RBMXL1: variants seen among roughly 807,000 people sequenced by gnomAD.
RBMXL1 encodes the protein RBMX like 1, also known as RNA binding motif protein, X-linked-like-1.
A neutral mutation model predicts 29.0 loss-of-function variants in RBMXL1; 18 were observed. That is an observed-to-expected ratio of 0.62 (90% CI 0.43 to 0.92). The LOEUF (loss-of-function observed/expected upper bound fraction) is 0.92. Among genes scored for constraint, RBMXL1 ranks in the 40% least tolerant of loss-of-function variants. The pLI is 0.00. For missense variants in RBMXL1, 403 were observed against 495.8 expected (o/e 0.81, Z 1.78); for synonymous variants, 141 against 170.4 (o/e 0.83, Z 1.34).
In RBMXL1 at chr1:88,983,945, C is replaced by T. The variant is rs373735460; in HGVS notation, c.-119G>A. 3 of 946,110 alleles carry T rather than the reference C, an allele frequency of 3.2e-6. No individual in the cohort carries two copies. The highest frequency in any genetic ancestry group is 1.9e-5 in the African/African-American group (1 of 52,104). 58.6% of individuals were successfully genotyped at this position (946,110 alleles called of 1,614,324 possible). A position where few individuals can be genotyped will look rare whatever the true frequency, so the allele number is the denominator to read the frequency against. ...CGGCTGTCAGTTAGGAGGACTGAAC[C>T]GCGAAGCCGCTAGCACTACTGCGCA... On this transcript the variant is annotated 5_prime_UTR_variant, in exon 3 of 3. Coordinates refer to ENST00000652648, the MANE Select transcript of RBMXL1 (RefSeq NM_001162536.3).
chr1:88,989,731 C>A (rs1300228664), intron 1 of RBMXL1, among the ~76,000 whole-genome samples: 2 of 152,142 alleles, frequency 1.3e-5, no homozygotes, highest in African/African-American at 4.8e-5. Flanking sequence ...GGCCTCAATG[C>A]CCACCTTCCT....
In RBMXL1 at chr1:88,982,532, G is replaced by A. The variant is rs1396077298; in HGVS notation, c.*122C>T. 4 of 1,371,778 alleles carry A rather than the reference G, an allele frequency of 2.9e-6. No individual in the cohort carries two copies. Among genetic ancestry groups the A allele is most frequent in the African/African-American group, 1.5e-5 (1 of 68,284 alleles). The allele number at this position is 1,371,778 out of a possible 1,614,324, so 85.0% of individuals were successfully genotyped here. On this transcript the variant is annotated 3_prime_UTR_variant, in exon 3 of 3. Coordinates refer to ENST00000652648, the MANE Select transcript of RBMXL1 (RefSeq NM_001162536.3). ...AAAATTACGGAAGGGACTTAACAGG[G>A]AATTTAAAAAAGGTAACACAATTTT...
At chr1:88,985,495 A>C (rs1677401548) in intron 2 of RBMXL1, among the ~76,000 whole-genome samples, 1 of 152,222 alleles carries the variant, frequency 6.6e-6, no homozygotes. Flanking sequence ...TCTGTGCCAA[A>C]AACACACCTA....
rs1033365873 is a variant in RBMXL1, at chr1:88,981,335, T to G, written c.*1319A>C. The G allele has an allele frequency of 6.6e-6, 1 of 152,266 alleles. No homozygotes were observed. Among genetic ancestry groups the G allele is most frequent in the Admixed American group, 6.5e-5 (1 of 15,288 alleles). The allele number at this position is 152,266 out of a possible 1,614,324, so 9.4% of individuals were successfully genotyped here. ...ATATCCATCATTTTTATAATTCATC[T>G]TAAGTTCTAAATTGAAGAGTTGTCC... On this transcript the variant is annotated 3_prime_UTR_variant, in exon 3 of 3. Coordinates refer to ENST00000652648, the MANE Select transcript of RBMXL1 (RefSeq NM_001162536.3).
chr1:88,984,157 A>G, intron 2 of RBMXL1, 91 bp from the exon 3 acceptor site: 1 of 291,542 alleles, frequency 3.4e-6, no homozygotes, highest in Non-Finnish European at 6.6e-6. Context: ...ATGCAATTAT[A>G]TTAAGCTCAA....
At chr1:88,992,214 G>A (rs919888920) in intron 1 of RBMXL1, among the ~76,000 whole-genome samples, 2 of 152,146 alleles carry the variant, frequency 1.3e-5, no homozygotes, top group African/African-American at 4.8e-5. Context: ...TCCTGACCTC[G>A]TGATCCGCCC....
At chr1:88,990,280 A>AAAGC (rs1677707257) in intron 1 of RBMXL1, among the ~76,000 whole-genome samples, 1 of 148,842 alleles carries the variant, frequency 6.7e-6, no homozygotes, top group African/African-American at 2.4e-5. Context: ...AAAAACATAA[A>AAAGC]AAACAAACAA....
At position 88,983,018 on chromosome 1, in the gene RBMXL1, C is replaced by G; in HGVS notation, c.809G>C (p.Arg270Pro). Residue 270 changes from arginine (R) to proline (P), a missense_variant, in exon 3 of 3, where the codon CGT becomes CCT. Transcript: ENST00000652648. ...YGDRDGYGRD[R>P]DYSDHPSGGS... is the part of the protein sequence containing the mutation. ...TCCACTTGGATGATCTGAATAGTCA[C>G]GATCACGACCATATCCATCTCTATC... 1 of 1,612,938 alleles carries G rather than the reference C, an allele frequency of 6.2e-7. No homozygotes were observed. The highest frequency in any genetic ancestry group is 8.5e-7 in the Non-Finnish European group (1 of 1,179,968).
At chr1:88,984,627 G>A (rs1677336639) in intron 2 of RBMXL1, among the ~76,000 whole-genome samples, 2 of 152,202 alleles carry the variant, frequency 1.3e-5, no homozygotes, top group African/African-American at 2.4e-5. Context: ...CTGAGTGAAA[G>A]GGAAGCAATT....
At position 88,984,204 on chromosome 1, in the gene RBMXL1, C is replaced by CTTTTTTTTTTTTT. The variant is rs908183722; in HGVS notation, c.-240-151_-240-139dup. On this transcript the variant is annotated intron_variant, in intron 2 of 2. Coordinates refer to ENST00000652648, the MANE Select transcript of RBMXL1 (RefSeq NM_001162536.3). Reference sequence around the variant, plus strand: ...ATTAACAGGAGCCCTTTTTTTGTTGCTTTTTTTTTTTTTTTTTTTTTTTTT... The same window carrying CTTTTTTTTTTTTT: ...ATTAACAGGAGCCCTTTTTTTGTTGCTTTTTTTTTTTTTTTTTTTTTTTTTTTTTTTTTTTTTT... The CTTTTTTTTTTTTT allele has an allele frequency of 9.3e-4, 76 of 81,476 alleles. 8 individuals are homozygous for CTTTTTTTTTTTTT. The highest frequency in any genetic ancestry group is 1.8e-3 in the Non-Finnish European group (67 of 38,168). 5.0% of individuals were successfully genotyped at this position (81,476 alleles called of 1,614,324 possible). A position where few individuals can be genotyped will look rare whatever the true frequency, so the allele number is the denominator to read the frequency against.
chr1:88,986,381 T>G (rs1464681243), intron 2 of RBMXL1, among the ~76,000 whole-genome samples: 1 of 151,478 alleles, frequency 6.6e-6, no homozygotes. Context: ...ATCCCAGCAC[T>G]TTGGGAGGCC....
chr1:88,989,716 T>C (rs1385951380), intron 1 of RBMXL1, among the ~76,000 whole-genome samples: 1 of 152,160 alleles, frequency 6.6e-6, no homozygotes, highest in East Asian at 1.9e-4. Flanking sequence ...ACTCTCTAGG[T>C]ACCAGGCCTC....
At chr1:88,989,224 C>A (rs2101102237) in intron 1 of RBMXL1, among the ~76,000 whole-genome samples, 1 of 152,220 alleles carries the variant, frequency 6.6e-6, no homozygotes, top group East Asian at 1.9e-4. Flanking sequence ...TCTATGGAAA[C>A]TAAATAGAGC....
In RBMXL1 at chr1:88,983,615, C is replaced by T. The variant is rs111779380; in HGVS notation, c.212G>A (p.Gly71Glu). The change falls in exon 3 of 3, where the codon GGA (glycine) becomes GAA (glutamate). Residue 71 changes from glycine (G) to glutamate (E), a missense_variant. Physicochemically the swap from Gly to Glu is moderately conservative, Grantham distance 98 (BLOSUM62 -2). Coordinates refer to ENST00000652648, the MANE Select transcript of RBMXL1 (RefSeq NM_001162536.3). ...GATGGCTTTTCCATCTAATGACTTT[C>T]CATTCATGTCTCTGGCTGCATCCTT... ...DAKDAARDMN[G>E]KSLDGKAIKV... 1 of 1,477,150 alleles carries T rather than the reference C, an allele frequency of 6.8e-7. No individual in the cohort carries two copies. The highest frequency in any genetic ancestry group is 2.4e-5 in the East Asian group (1 of 42,114). 91.5% of individuals were successfully genotyped at this position (1,477,150 alleles called of 1,614,324 possible).
In RBMXL1 at chr1:88,982,512, T is replaced by TA; in HGVS notation, c.*141dup. The TA allele has an allele frequency of 7.8e-7, 1 of 1,288,402 alleles. No individual in the cohort carries two copies. The highest frequency in any genetic ancestry group is 1.0e-6 in the Non-Finnish European group (1 of 953,562). 79.8% of individuals were successfully genotyped at this position (1,288,402 alleles called of 1,614,324 possible). On this transcript the variant is annotated 3_prime_UTR_variant, in exon 3 of 3. Coordinates refer to ENST00000652648, the MANE Select transcript of RBMXL1 (RefSeq NM_001162536.3). Reference sequence around the variant, plus strand: ...TTTTTCCTCACAAGAACATAAAAATTACGGAAGGGACTTAACAGGGAATTT... The same window carrying TA: ...TTTTTCCTCACAAGAACATAAAAATTAACGGAAGGGACTTAACAGGGAATTT...
In RBMXL1 at chr1:88,992,604, C is replaced by T. The variant is rs915809702; in HGVS notation, c.-360G>A. 4 of 152,666 alleles carry T rather than the reference C, an allele frequency of 2.6e-5. No homozygotes were observed. The highest frequency in any genetic ancestry group is 4.4e-5 in the Non-Finnish European group (3 of 68,390). 9.5% of individuals were successfully genotyped at this position (152,666 alleles called of 1,614,324 possible). A position where few individuals can be genotyped will look rare whatever the true frequency, so the allele number is the denominator to read the frequency against. On this transcript the variant is annotated 5_prime_UTR_variant, in exon 1 of 3. Coordinates refer to ENST00000652648, the MANE Select transcript of RBMXL1 (RefSeq NM_001162536.3). ...ACTCACCTATCCGGTGCGGGAACCTCGCCTCCCTAGGCTCGAGTCCCGACT... is the reference window on the plus strand; with the variant it reads ...ACTCACCTATCCGGTGCGGGAACCTTGCCTCCCTAGGCTCGAGTCCCGACT...
chr1:88,989,982 T>C (rs75701221), intron 1 of RBMXL1, among the ~76,000 whole-genome samples: 2,129 of 152,270 alleles, frequency 0.014, 57 homozygotes, highest in African/African-American at 0.049. Context: ...ATTTTGTAGG[T>C]AACACTTGTC....
rs1406297663 is a variant in RBMXL1, at chr1:88,980,710, ACT to A, written c.*1942_*1943del. The A allele has an allele frequency of 6.6e-6, 1 of 151,894 alleles. No individual in the cohort carries two copies. The highest frequency in any genetic ancestry group is 1.5e-5 in the Non-Finnish European group (1 of 67,954). The allele number at this position is 151,894 out of a possible 1,614,324, so 9.4% of individuals were successfully genotyped here. A position where few individuals can be genotyped will look rare whatever the true frequency, so the allele number is the denominator to read the frequency against. ...CAATATTCATTCATATTTGGTACAA[ACT>A]CTATATCCTATATTTAGGATATCTA... On this transcript the variant is annotated 3_prime_UTR_variant, in exon 3 of 3. Transcript: ENST00000652648.
rs1336958328 is a variant in RBMXL1 at position 88,983,482 on chromosome 1, T to G, written c.345A>C (p.Gly115=). The G allele has an allele frequency of 6.2e-7, 1 of 1,614,006 alleles. No individual in the cohort carries two copies. Among genetic ancestry groups the G allele is most frequent in the Non-Finnish European group, 8.5e-7 (1 of 1,180,016 alleles). ...PPRGFGAGRG[G]SGGTRGPPSR... is the part of the protein sequence containing the mutation. ...AAGGAGGTCCCCTGGTTCCTCCACT[T>G]CCTCCTCTTCCAGCTCCAAAACCTC... The change falls in exon 3 of 3, where the codon GGA becomes GGC. Residue 115 remains glycine, a synonymous_variant. Coordinates refer to ENST00000652648, the MANE Select transcript of RBMXL1 (RefSeq NM_001162536.3).
Sources: allele counts gnomAD v4.1 joint callset (sites outside exome capture counted in the v4.1 genomes callset), GRCh38; gene constraint gnomAD v4.1.1; transcripts MANE v1.5; gene names NCBI Gene and HGNC (gene_info 2026-07-23, HGNC 2026-07-21).